The following NLGN1 variants were observed in gnomAD, a reference collection of about 807,000 sequenced individuals.
The protein encoded by NLGN1 is neuroligin-1.
A neutral mutation model predicts 65.5 loss-of-function variants in NLGN1; 12 were observed. The ratio of observed to expected loss-of-function variants is 0.18; its 90% CI spans 0.12 to 0.30. The LOEUF is 0.30. NLGN1 is among the 10% of genes least tolerant of loss of function. NLGN1 has a pLI of 1.00. For synonymous variants in NLGN1, 350 were observed against 359.5 expected (o/e 0.97, Z 0.30); for missense variants, 750 against 1,007.1 (o/e 0.74, Z 3.46).
chr3:173,765,100 A>G (rs867237630), intron 3 of NLGN1, among the ~76,000 whole-genome samples: 52 of 118,940 alleles, frequency 4.4e-4, no homozygotes, highest in African/African-American at 1.0e-3. Flanking sequence ...GTGTGTGTGT[A>G]TGTATGCACA....
At chr3:174,103,204 A>G (rs1033182341) in intron 4 of NLGN1, among the ~76,000 whole-genome samples, 2 of 152,176 alleles carry the variant, frequency 1.3e-5, no homozygotes, top group African/African-American at 4.8e-5. Context: ...CGTGTGTCAC[A>G]TTCATTGAAA....
At chr3:173,496,594 A>T (rs1365290799) in intron 2 of NLGN1, among the ~76,000 whole-genome samples, 1 of 151,838 alleles carries the variant, frequency 6.6e-6, no homozygotes, top group Non-Finnish European at 1.5e-5. Flanking sequence ...GCACGTTCAT[A>T]TTTAGCCTAT....
chr3:173,920,290 A>G (rs1741727942), intron 4 of NLGN1, among the ~76,000 whole-genome samples: 1 of 152,186 alleles, frequency 6.6e-6, no homozygotes, highest in Non-Finnish European at 1.5e-5. Flanking sequence ...ATTGACTCCT[A>G]AAGCAGGTGT....
intron 2 of NLGN1, among the ~76,000 whole-genome samples, chr3:173,504,715 T>G (rs116335991): frequency 6.6e-6 from 1 of 152,230 alleles, no homozygotes; most frequent in Non-Finnish European, 1.5e-5. Flanking sequence ...TTTTCATCAC[T>G]TGATGTCACC....
At chr3:174,122,477 C>G (rs1203441216) in intron 4 of NLGN1, among the ~76,000 whole-genome samples, 1 of 152,164 alleles carries the variant, frequency 6.6e-6, no homozygotes, top group African/African-American at 2.4e-5. Flanking sequence ...GAAAATCCAC[C>G]AGGATCCCTT....
At chr3:173,565,823 T>C (rs535822497) in intron 2 of NLGN1, among the ~76,000 whole-genome samples, 1 of 152,086 alleles carries the variant, frequency 6.6e-6, no homozygotes, top group African/African-American at 2.4e-5. Context: ...ATGAAGCAGA[T>C]ATTAGAATGA....
intron 4 of NLGN1, among the ~76,000 whole-genome samples, chr3:173,961,542 A>G (rs1713566448): frequency 6.6e-6 from 1 of 152,124 alleles, no homozygotes; most frequent in African/African-American, 2.4e-5. Context: ...ATATGTAACT[A>G]GTTCATTTTT....
intron 2 of NLGN1, among the ~76,000 whole-genome samples, chr3:173,455,261 A>G (rs1722311396): frequency 6.6e-6 from 1 of 152,202 alleles, no homozygotes; most frequent in Non-Finnish European, 1.5e-5. Flanking sequence ...AGTGCTTAAC[A>G]TGGTGAGACC....
chr3:173,791,105 T>C (rs1712617580), intron 3 of NLGN1, among the ~76,000 whole-genome samples: 1 of 152,206 alleles, frequency 6.6e-6, no homozygotes, highest in South Asian at 2.1e-4. Context: ...GGTATCTGCA[T>C]AGAGTACTGT....
intron 4 of NLGN1, among the ~76,000 whole-genome samples, chr3:174,107,015 CACAGAGAGAGAGAG>C (rs1157433797): frequency 4.6e-5 from 3 of 65,434 alleles, no homozygotes; most frequent in Admixed American, 1.6e-4. Flanking sequence ...CACACACACA[CACAGAGAGAGAGAG>C]AGAGAGAGAG....
intron 1 of NLGN1, among the ~76,000 whole-genome samples, chr3:173,413,323 C>T (rs1032985139): frequency 2.6e-5 from 4 of 152,038 alleles, no homozygotes; most frequent in South Asian, 2.1e-4. Context: ...ACTTCTCGGC[C>T]GGGTGCTGTG....
chr3:173,483,447 A>G lies in NLGN1; in HGVS notation c.-321+48369A>G, dbSNP rs533338184. On this transcript the variant is annotated intron_variant, in intron 2 of 6. Transcript: ENST00000457714. The stretch of plus-strand genomic sequence containing the variant: ...TTAATTGGAAAATCCACAAATTAAT[A>G]TAATTAATGTTATTCTACTAGTCCC... Among the ~76,000 whole-genome samples the G allele has an allele frequency of 3.3e-5, 5 of 152,216 alleles. No homozygotes were observed. The East Asian group carries it at 9.6e-4, about 29-fold the overall frequency.
chr3:173,892,071 A>T (rs1434394235), intron 4 of NLGN1, among the ~76,000 whole-genome samples: 1 of 152,142 alleles, frequency 6.6e-6, no homozygotes, highest in Admixed American at 6.5e-5. Context: ...TTTGTGTATC[A>T]TGGAATCCTG....
At chr3:174,055,514 A>G (rs573471083) in intron 4 of NLGN1, among the ~76,000 whole-genome samples, 4 of 152,150 alleles carry the variant, frequency 2.6e-5, no homozygotes, top group African/African-American at 9.6e-5. Context: ...AGGCTGAAGA[A>G]AAATCTGGAG....
intron 4 of NLGN1, among the ~76,000 whole-genome samples, chr3:174,140,385 T>C (rs559215960): frequency 1.2e-4 from 18 of 152,302 alleles, no homozygotes; most frequent in African/African-American, 4.3e-4. Flanking sequence ...TAAAGTTTCA[T>C]AGTTTGGGTA....
At chr3:174,015,570 G>A (rs1277013567) in intron 4 of NLGN1, among the ~76,000 whole-genome samples, 1 of 152,228 alleles carries the variant, frequency 6.6e-6, no homozygotes, top group East Asian at 1.9e-4. Context: ...TATGAATGTT[G>A]GGGGAACACA....
chr3:173,889,753 C>T (rs571889413), intron 4 of NLGN1, among the ~76,000 whole-genome samples: 34 of 151,862 alleles, frequency 2.2e-4, no homozygotes, highest in African/African-American at 6.8e-4. Flanking sequence ...CTAGTTGTAC[C>T]GGTTGAGAAA....
At chr3:173,788,311 A>G (rs1033306899) in intron 3 of NLGN1, among the ~76,000 whole-genome samples, 1 of 151,920 alleles carries the variant, frequency 6.6e-6, no homozygotes, top group African/African-American at 2.4e-5. Context: ...ATGGATAAAA[A>G]ATTTATTAAA....
At position 174,265,513 on chromosome 3, in the gene NLGN1, A is replaced by C. The variant is rs1747894622; in HGVS notation, c.647-9802A>C. Among the ~76,000 whole-genome samples, 2 of 151,934 alleles carry C rather than the reference A, an allele frequency of 1.3e-5. 1 individual carries two copies. Among genetic ancestry groups the C allele is most frequent in the Admixed American group, 1.3e-4 (2 of 15,266 alleles). ...CCTGACGCCTTGCGCTTCCCAAGTG[A>C]GGCAATGCCTCGCCCTGTTTCGGCT... On this transcript the variant is annotated intron_variant, in intron 4 of 6. Coordinates refer to ENST00000457714, the Ensembl canonical transcript of NLGN1.
Sources: gnomAD v4.1 joint callset for allele counts (sites outside exome capture counted in the v4.1 genomes callset) on GRCh38, gnomAD v4.1.1 for gene constraint, MANE v1.5 for transcripts, NCBI Gene and HGNC (gene_info 2026-07-23, HGNC 2026-07-21) for gene names.